RFPL4A: variants seen among roughly 807,000 people sequenced by gnomAD.
The protein encoded by RFPL4A is ret finger protein like 4A.
A neutral mutation model predicts 8.3 loss-of-function variants in RFPL4A; 4 were observed. The observed-to-expected ratio is 0.48, with a 90% CI of 0.24 to 1.10. RFPL4A has a LOEUF of 1.10. Ranked by LOEUF, RFPL4A falls within the 50% of genes least tolerant of loss-of-function variation. RFPL4A has a pLI of 0.18. For synonymous variants in RFPL4A, 43 were observed against 136.6 expected (o/e 0.31, Z 4.78); for missense variants, 111 against 358.7 (o/e 0.31, Z 5.58).
upstream of RFPL4A, among the ~76,000 whole-genome samples, chr19:55,758,722 G>C (rs117822265): frequency 0.095 from 11,693 of 122,862 alleles, 201 homozygotes; most frequent in South Asian, 0.2. Context: ...GTAGGTTTAA[G>C]TCACCTCTTT....
At chr19:55,760,842 C>A (rs1989266584) in intron 1 of RFPL4A, among the ~76,000 whole-genome samples, 1 of 151,456 alleles carries the variant, frequency 6.6e-6, no homozygotes, top group Admixed American at 6.6e-5. Flanking sequence ...GTATTCCTGC[C>A]TCAGTTTAAA....
At chr19:55,761,218 AG>A (rs1989275571) in intron 1 of RFPL4A, among the ~76,000 whole-genome samples, 1 of 139,994 alleles carries the variant, frequency 7.1e-6, no homozygotes, top group Non-Finnish European at 1.6e-5. Context: ...GGGAAGTAGA[AG>A]GTCTTCAAAT....
At chr19:55,758,137 C>T (rs1989208352), upstream of RFPL4A, among the ~76,000 whole-genome samples, 1 of 152,008 alleles carries the variant, frequency 6.6e-6, no homozygotes, top group African/African-American at 2.4e-5. Flanking sequence ...ATTATAGGTC[C>T]CAATCAATGA....
In RFPL4A at chr19:55,761,170, A is replaced by G. The variant is rs527562218; in HGVS notation, c.-9-622A>G. Among the ~76,000 whole-genome samples, 59 of 135,120 alleles carry G rather than the reference A, an allele frequency of 4.4e-4. 3 individuals are homozygous for G. Among genetic ancestry groups the G allele is most frequent in the Admixed American group, 3.1e-3 (42 of 13,546 alleles). The allele number at this position is 135,120 out of a possible 152,430, so 88.6% of individuals were successfully genotyped here. A position where few individuals can be genotyped will look rare whatever the true frequency, so the allele number is the denominator to read the frequency against. On this transcript the variant is annotated intron_variant, in intron 1 of 2. Transcript: ENST00000434937. ...ATTTTGTGTCTTGTCCTTTTGTTGC[A>G]CTATCAGGGTTTTCACCACATGCAG... is the stretch of plus-strand genomic sequence containing the variant.
At chr19:55,762,570 G>A in intron 2 of RFPL4A, 28 bp from the exon 3 acceptor site, 1 of 1,551,400 alleles carries the variant, frequency 6.4e-7, no homozygotes. Flanking sequence ...GTGTGTCTTT[G>A]CTGAACTCCT....
intron 2 of RFPL4A, 116 bp downstream of exon 2, chr19:55,762,202 G>T: frequency 1.6e-6 from 1 of 643,418 alleles, no homozygotes; most frequent in South Asian, 2.0e-5. Context: ...AAACTTCCAT[G>T]CTTCACAAAC....
At position 55,762,038 on chromosome 19, in the gene RFPL4A, A is replaced by G. The variant is rs1190371196; in HGVS notation, c.238A>G (p.Lys80Glu). ...LVSIIKELEPKLKSVLTMNPR... is the reference protein window; with the variant it reads ...LVSIIKELEPELKSVLTMNPR... Reference sequence around the variant, plus strand: ...TTCCATCATCAAGGAACTAGAGCCCAAGCTGAAATCTGTTCTAACAATGAA... The same window carrying G: ...TTCCATCATCAAGGAACTAGAGCCCGAGCTGAAATCTGTTCTAACAATGAA... The change falls in exon 2 of 3, where the codon AAG becomes GAG. Residue 80 changes from lysine to glutamate, a missense_variant. Transcript: ENST00000434937. 3.0e-5 allele frequency: 45 copies of G among 1,497,804 alleles called. No individual in the cohort carries two copies. The highest frequency in any genetic ancestry group is 4.1e-5 in the Non-Finnish European group (45 of 1,108,714). The allele number at this position is 1,497,804 out of a possible 1,614,324, so 92.8% of individuals were successfully genotyped here.
intron 1 of RFPL4A, among the ~76,000 whole-genome samples, chr19:55,759,604 T>C (rs1989241877): frequency 2.0e-5 from 3 of 151,718 alleles, no homozygotes; most frequent in South Asian, 2.1e-4. Context: ...GGGAAGGAAA[T>C]GAAAAGCAAA....
At position 55,762,234 on chromosome 19, in the gene RFPL4A, G is replaced by A. The variant is rs551653883; in HGVS notation, c.286+148G>A. On this transcript the variant is annotated intron_variant, in intron 2 of 2. Transcript: ENST00000434937. ...AAACAACAGCAGTTCTCACCTTTGC[G>A]TAGAGATTTTCATGGAATCTGTGCA... 3,570 of 722,492 alleles carry A rather than the reference G, an allele frequency of 4.9e-3. 183 individuals are homozygous for A. In the African/African-American group the frequency reaches 0.06, roughly 12 times the overall value. The allele number at this position is 722,492 out of a possible 1,614,324, so 44.8% of individuals were successfully genotyped here. A position where few individuals can be genotyped will look rare whatever the true frequency, so the allele number is the denominator to read the frequency against.
chr19:55,762,294 C>G (rs1368704201), intron 2 of RFPL4A, among the ~76,000 whole-genome samples: 2 of 150,630 alleles, frequency 1.3e-5, no homozygotes, highest in Non-Finnish European at 2.9e-5. Context: ...AAGCTCCTGT[C>G]TTCTTTCTTG....
chr19:55,761,943 TG>T lies in RFPL4A; in HGVS notation c.144del (p.Cys49AlafsTer19). 1 of 1,516,016 alleles carries T rather than the reference TG, an allele frequency of 6.6e-7. No individual in the cohort carries two copies. Among genetic ancestry groups the T allele is most frequent in the South Asian group, 1.2e-5 (1 of 83,250 alleles). 93.9% of individuals were successfully genotyped at this position (1,516,016 alleles called of 1,614,324 possible). A position where few individuals can be genotyped will look rare whatever the true frequency, so the allele number is the denominator to read the frequency against. On this transcript the variant is annotated frameshift_variant, in exon 2 of 3. Transcript: ENST00000434937. LOFTEE classifies it high-confidence loss of function. ...AAGGAGCCCGATGGGGAAGGTTTAC[TG>T]TGCCGTTTCTGCTCTGTGGTCTCTC... ...LQKEPDGEGL[L>X]CRFCSVVSQK... is the part of the protein sequence containing the mutation.
intron 1 of RFPL4A, among the ~76,000 whole-genome samples, chr19:55,760,746 G>T (rs1568614627): frequency 6.6e-6 from 1 of 151,548 alleles, no homozygotes; most frequent in Non-Finnish European, 1.5e-5. Context: ...TAATTTTAAT[G>T]ACAAGTGGCT....
intron 1 of RFPL4A, 123 bp downstream of exon 1, chr19:55,759,298 C>T (rs1264546384): frequency 1.3e-4 from 20 of 152,116 alleles, no homozygotes; most frequent in Admixed American, 1.3e-3. Flanking sequence ...CACTGTATTT[C>T]TGGAGGATAA....
At chr19:55,762,199 C>T in intron 2 of RFPL4A, 113 bp downstream of exon 2, 3 of 651,470 alleles carry the variant, frequency 4.6e-6, no homozygotes, top group Non-Finnish European at 8.1e-6. Flanking sequence ...CTAAAACTTC[C>T]ATGCTTCACA....
rs1225173612 is a variant in RFPL4A at position 55,763,360 on chromosome 19, A to G, written c.*185A>G. Among the ~76,000 whole-genome samples the G allele has an allele frequency of 2.0e-5, 3 of 149,836 alleles. No individual in the cohort carries two copies. Among genetic ancestry groups the G allele is most frequent in the Admixed American group, 6.6e-5 (1 of 15,204 alleles). ...AATTACATTGTACTTAAAGTTTGTC[A>G]TGTTGTTTTCTTTGGGGCTTATGTT... On this transcript the variant is annotated 3_prime_UTR_variant, in exon 3 of 3. Transcript: ENST00000434937.
At chr19:55,757,413 G>T (rs1436681863), upstream of RFPL4A, among the ~76,000 whole-genome samples, 1 of 152,026 alleles carries the variant, frequency 6.6e-6, no homozygotes, top group Non-Finnish European at 1.5e-5. Flanking sequence ...AGTGAACAGG[G>T]CCTGGGGATC....
chr19:55,760,315 C>G lies in RFPL4A; in HGVS notation c.-10+1140C>G, dbSNP rs372375989. ...CTCTGGATGCCAGAGAGACCCCAGT[C>G]CCAGCCAGTTTCCAGGTTCTGGATG... On this transcript the variant is annotated intron_variant, in intron 1 of 2. Transcript: ENST00000434937. Among the ~76,000 whole-genome samples, 75 of 151,620 alleles carry G rather than the reference C, an allele frequency of 4.9e-4. 6 individuals carry two copies. In the East Asian group the frequency reaches 0.013, roughly 27 times the overall value.
rs1278309438 is a variant in RFPL4A, at chr19:55,761,857, A to C, written c.57A>C (p.Glu19Asp). 1 of 1,494,396 alleles carries C rather than the reference A, an allele frequency of 6.7e-7. No homozygotes were observed. The allele number at this position is 1,494,396 out of a possible 1,614,324, so 92.6% of individuals were successfully genotyped here. Residue 19 changes from glutamate to aspartate, a missense_variant, in exon 2 of 3, where the codon GAA (glutamate) becomes GAC (aspartate). By Grantham distance (45) the Glu-to-Asp change is conservative (BLOSUM62 2). Coordinates refer to ENST00000434937, the MANE Select transcript of RFPL4A (RefSeq NM_001145014.2). Reference sequence around the variant, plus strand: ...GTCCTGTCTGTCTAAAAGATCTTGAAGAAGCCGTGCAACTGAAATGTGGAT... The same window carrying C: ...GTCCTGTCTGTCTAAAAGATCTTGACGAAGCCGTGCAACTGAAATGTGGAT... ...IRCPVCLKDL[E>D]EAVQLKCGYA... is the part of the protein sequence containing the mutation.
upstream of RFPL4A, among the ~76,000 whole-genome samples, chr19:55,758,734 A>T (rs564913158): frequency 6.3e-3 from 953 of 150,972 alleles, 5 homozygotes; most frequent in African/African-American, 0.023. Flanking sequence ...CACCTCTTTT[A>T]TTGAAATGTG....
Sources: gnomAD v4.1 joint callset for allele counts (sites outside exome capture counted in the v4.1 genomes callset) on GRCh38, gnomAD v4.1.1 for gene constraint, MANE v1.5 for transcripts, NCBI Gene and HGNC (gene_info 2026-07-23, HGNC 2026-07-21) for gene names.